The following ANO2 variants were observed in gnomAD, a reference collection of about 807,000 sequenced individuals.
The protein encoded by ANO2 is anoctamin 2, also known as anoctamin-2.
A neutral mutation model predicts 124.2 loss-of-function variants in ANO2; 101 were observed. The ratio of observed to expected loss-of-function variants is 0.81; its 90% CI spans 0.69 to 0.96. The LOEUF (loss-of-function observed/expected upper bound fraction) is 0.96. ANO2 is among the 40% of genes least tolerant of loss of function. ANO2 has a pLI of 0.00. For synonymous variants in ANO2, 486 were observed against 482.5 expected, an observed-to-expected ratio of 1.01 and a Z score of -0.09; for missense variants, 1,293 against 1,274.5, an observed-to-expected ratio of 1.01 and a Z score of -0.22.
intron 23 of ANO2, among the ~76,000 whole-genome samples, chr12:5,566,606 G>A (rs79121802): frequency 0.056 from 8,461 of 152,286 alleles, 342 homozygotes; most frequent in South Asian, 0.14. Context: ...AGCAATGATA[G>A]TGGCTGCCAA....
At chr12:5,804,691 A>G (rs562311377) in intron 9 of ANO2, among the ~76,000 whole-genome samples, 22 of 152,384 alleles carry the variant, frequency 1.4e-4, no homozygotes, top group Middle Eastern at 3.4e-3. Flanking sequence ...TGTGGTTAAC[A>G]GTAATTTCGT....
chr12:5,739,480 TG>T, intron 12 of ANO2, 81 bp from the exon 13 acceptor site: 1 of 1,181,798 alleles, frequency 8.5e-7, no homozygotes, highest in Non-Finnish European at 1.2e-6. Context: ...CCAGTGGAGG[TG>T]GGGGATAAGC....
intron 13 of ANO2, among the ~76,000 whole-genome samples, chr12:5,734,138 GA>G (rs1950759333): frequency 6.6e-6 from 1 of 152,170 alleles, no homozygotes; most frequent in Non-Finnish European, 1.5e-5. Context: ...TAAAAGACTG[GA>G]AAACACTAGA....
At chr12:5,648,542 G>T (rs543000602) in intron 14 of ANO2, among the ~76,000 whole-genome samples, 1 of 152,162 alleles carries the variant, frequency 6.6e-6, no homozygotes, top group African/African-American at 2.4e-5. Flanking sequence ...CTCCTTCAGC[G>T]TGCTCTGAGG....
intron 14 of ANO2, among the ~76,000 whole-genome samples, chr12:5,691,327 C>CAAAAAAAAAAAAAAAAAAAAAAAAA (rs60573302): frequency 2.3e-5 from 2 of 86,998 alleles, no homozygotes; most frequent in African/African-American, 5.7e-5. Flanking sequence ...GACTCCATCT[C>CAAAAAAAAAAAAAAAAAAAAAAAAA]AAAAAAAAAA....
chr12:5,826,698 TAA>T lies in ANO2; in HGVS notation c.892+1069_892+1070del, dbSNP rs1180467719. 5.9e-5 allele frequency among the ~76,000 whole-genome samples: 9 copies of T among 152,200 alleles called. No homozygotes were observed. The South Asian group carries it at 1.9e-3, about 32-fold the overall frequency. On this transcript the variant is annotated intron_variant, in intron 7 of 24. Coordinates refer to ENST00000682330, the MANE Select transcript of ANO2 (RefSeq NM_001364791.2). ...CCTGTTGAGAGGTTAAGCACTATTC[TAA>T]AAAGACTATCATGGCATAAAACCCA...
intron 3 of ANO2, among the ~76,000 whole-genome samples, chr12:5,863,872 A>G (rs1015677762): frequency 1.1e-4 from 16 of 152,172 alleles, no homozygotes; most frequent in African/African-American, 3.9e-4. Flanking sequence ...TATGTTATAT[A>G]TTCGTTAGCT....
rs1327228809 is a variant in ANO2, at chr12:5,658,443, AATC to A, written c.1546-10645_1546-10643del. On this transcript the variant is annotated intron_variant, in intron 14 of 24. Coordinates refer to ENST00000682330, the MANE Select transcript of ANO2 (RefSeq NM_001364791.2). The surrounding 1 kb of genome is among the most constrained non-coding windows in gnomAD (Gnocchi z 4.3). ...ATAACCATACCATCAAAATTAACAT[AATC>A]ATCAACATCATCATCATATCATCAC... Among the ~76,000 whole-genome samples the A allele has an allele frequency of 1.2e-4, 11 of 95,026 alleles. No individual in the cohort carries two copies. Among genetic ancestry groups the A allele is most frequent in the African/African-American group, 2.6e-4 (9 of 34,048 alleles). The allele number at this position is 95,026 out of a possible 152,430, so 62.3% of individuals were successfully genotyped here.
At chr12:5,761,541 C>A (rs1354162278) in intron 10 of ANO2, among the ~76,000 whole-genome samples, 1 of 152,034 alleles carries the variant, frequency 6.6e-6, no homozygotes, top group African/African-American at 2.4e-5. Context: ...TATTATTGTA[C>A]CTGTCTTATC....
chr12:5,609,797 C>T (rs1266664029), intron 19 of ANO2, among the ~76,000 whole-genome samples: 1 of 151,642 alleles, frequency 6.6e-6, no homozygotes, highest in Non-Finnish European at 1.5e-5. Flanking sequence ...CTTACCTTCT[C>T]TACCTGTAGC....
Position 5,636,182 on chromosome 12 carries a change from G to A in ANO2, c.1621-835C>T, listed in dbSNP as rs1946002822. On this transcript the variant is annotated intron_variant, in intron 15 of 24. Transcript: ENST00000682330. This position sits in a 1 kb window ranked among gnomAD's most constrained non-coding sequence, Gnocchi z 4.6. ...GGGTTCCCCTCATTTCCTCTCTCTA[G>A]AACCTAAGAATAAGAAGGGACTCTC... 1.3e-5 allele frequency among the ~76,000 whole-genome samples: 2 copies of A among 152,088 alleles called. No individual in the cohort carries two copies. The highest frequency in any genetic ancestry group is 4.8e-5 in the African/African-American group (2 of 41,404).
At chr12:5,616,879 C>T (rs530729582) in intron 16 of ANO2, among the ~76,000 whole-genome samples, 1 of 152,114 alleles carries the variant, frequency 6.6e-6, no homozygotes, top group Admixed American at 6.5e-5. Context: ...TCCTCCAGAC[C>T]ACACAGTACC....
At chr12:5,738,690 T>A (rs1321105385) in intron 13 of ANO2, among the ~76,000 whole-genome samples, 4 of 152,144 alleles carry the variant, frequency 2.6e-5, no homozygotes, top group Non-Finnish European at 5.9e-5. Flanking sequence ...CTGCCCATCA[T>A]CGGCTCACCA....
intron 8 of ANO2, among the ~76,000 whole-genome samples, chr12:5,806,400 C>T (rs957478897): frequency 6.6e-6 from 1 of 152,206 alleles, no homozygotes; most frequent in South Asian, 2.1e-4. Flanking sequence ...TAGCCCATCA[C>T]GTGAAAAGCA....
chr12:5,647,945 AT>A (rs1946731756), intron 14 of ANO2, 144 bp from the exon 15 acceptor site: 1 of 661,382 alleles, frequency 1.5e-6, no homozygotes, highest in East Asian at 2.8e-5. Flanking sequence ...TACTCTCCAT[AT>A]CAACAACTGC....
intron 1 of ANO2, among the ~76,000 whole-genome samples, chr12:5,938,148 C>T (rs1354239307): frequency 6.6e-6 from 1 of 152,214 alleles, no homozygotes; most frequent in East Asian, 1.9e-4. Flanking sequence ...TCCTTTCACA[C>T]ACATTCCTCC....
chr12:5,754,240 C>A (rs1406951087), intron 10 of ANO2, among the ~76,000 whole-genome samples: 3 of 152,108 alleles, frequency 2.0e-5, no homozygotes, highest in African/African-American at 4.8e-5. Flanking sequence ...ATATGTTGAA[C>A]CATCCTTGTA....
At chr12:5,751,148 T>G (rs1454511904) in intron 10 of ANO2, among the ~76,000 whole-genome samples, 178 bp from the exon 11 acceptor site, 1 of 152,204 alleles carries the variant, frequency 6.6e-6, no homozygotes. Flanking sequence ...AATCAACAAC[T>G]GAGCTTTTCT....
At chr12:5,743,810 G>A (rs1308881241) in intron 12 of ANO2, among the ~76,000 whole-genome samples, 2 of 152,092 alleles carry the variant, frequency 1.3e-5, no homozygotes, top group African/African-American at 2.4e-5. Flanking sequence ...TGTGCTGCAC[G>A]ATATCTACAA....
Sources: allele counts gnomAD v4.1 joint callset (sites outside exome capture counted in the v4.1 genomes callset), GRCh38; gene constraint gnomAD v4.1.1; non-coding constraint Gnocchi (gnomAD v3.1); transcripts MANE v1.5; gene names NCBI Gene and HGNC (gene_info 2026-07-23, HGNC 2026-07-21).